The following RBM33 variants were observed in gnomAD, a reference collection of about 807,000 sequenced individuals.
RBM33 encodes the protein RNA binding motif protein 33.
A neutral mutation model predicts 132.6 loss-of-function variants in RBM33; 28 were observed. The observed-to-expected ratio is 0.21, with a 90% confidence interval of 0.16 to 0.29. RBM33 has a LOEUF of 0.29. Ranked by LOEUF, RBM33 falls within the 10% of genes least tolerant of loss-of-function variation. The pLI is 1.00. For missense variants in RBM33, 1,291 were observed against 1,518.5 expected (o/e 0.85, Z 2.49); for synonymous variants, 634 against 593.0 (o/e 1.07, Z -1.01).
At position 155,780,438 on chromosome 7, in the gene RBM33, C is replaced by T. The variant is rs1802777413; in HGVS notation, c.*5397C>T. 1 of 152,242 alleles carries T rather than the reference C, an allele frequency of 6.6e-6. No individual in the cohort carries two copies. The highest frequency in any genetic ancestry group is 2.1e-4 in the South Asian group (1 of 4,832). The allele number at this position is 152,242 out of a possible 1,614,324, so 9.4% of individuals were successfully genotyped here. A position where few individuals can be genotyped will look rare whatever the true frequency, so the allele number is the denominator to read the frequency against. On this transcript the variant is annotated 3_prime_UTR_variant, in exon 18 of 18. Coordinates refer to ENST00000401878, the MANE Select transcript of RBM33 (RefSeq NM_053043.3). ...GCACAGAGTGTGACCTTTTTCATGT[C>T]TGAGCTGATTCTGTTTGCTCCACGT...
At chr7:155,679,874 G>A (rs556334817) in intron 4 of RBM33, among the ~76,000 whole-genome samples, 2 of 152,276 alleles carry the variant, frequency 1.3e-5, no homozygotes, top group East Asian at 3.9e-4. Context: ...GATCTTACAT[G>A]GGAAATGTTA....
At chr7:155,656,347 A>G (rs942888564) in intron 1 of RBM33, among the ~76,000 whole-genome samples, 4 of 146,924 alleles carry the variant, frequency 2.7e-5, no homozygotes, top group African/African-American at 1.0e-4. Context: ...CAATAACAGT[A>G]CAAGACACGC....
At chr7:155,685,775 C>T (rs904210977) in intron 5 of RBM33, among the ~76,000 whole-genome samples, 2 of 152,234 alleles carry the variant, frequency 1.3e-5, no homozygotes, top group African/African-American at 4.8e-5. Context: ...ACAAATCATT[C>T]TTCAGCCTGA....
At chr7:155,713,298 T>G (rs1162350473) in intron 8 of RBM33, among the ~76,000 whole-genome samples, 1 of 151,908 alleles carries the variant, frequency 6.6e-6, no homozygotes, top group Non-Finnish European at 1.5e-5. Context: ...AAAGTACAGG[T>G]CAGGAGGTTG....
chr7:155,657,815 A>G (rs1455404762), intron 1 of RBM33, among the ~76,000 whole-genome samples: 1 of 152,248 alleles, frequency 6.6e-6, no homozygotes, highest in Non-Finnish European at 1.5e-5. Flanking sequence ...TTTCATAGAT[A>G]GGGAATGCTC....
At chr7:155,669,750 GC>G (rs1426256345) in intron 2 of RBM33, among the ~76,000 whole-genome samples, 1 of 152,206 alleles carries the variant, frequency 6.6e-6, no homozygotes, top group Non-Finnish European at 1.5e-5. Context: ...ACCAGTTCCT[GC>G]CCCGGCCTTG....
chr7:155,658,205 A>G (rs1798543814), intron 1 of RBM33, among the ~76,000 whole-genome samples: 1 of 152,292 alleles, frequency 6.6e-6, no homozygotes, highest in Admixed American at 6.5e-5. Flanking sequence ...ATCGGTATAC[A>G]GTATTCCTTC....
chr7:155,645,091 C>T (rs977272053), intron 1 of RBM33, 172 bp downstream of exon 1: 2 of 519,282 alleles, frequency 3.9e-6, no homozygotes, highest in South Asian at 2.5e-5. Flanking sequence ...GTCATTCTCC[C>T]TTTCTCGCTC....
chr7:155,669,485 C>T (rs1012401877), intron 2 of RBM33, among the ~76,000 whole-genome samples: 3 of 152,084 alleles, frequency 2.0e-5, no homozygotes, highest in Non-Finnish European at 2.9e-5. Flanking sequence ...CCCGAGTAGC[C>T]GGGATTACAG....
chr7:155,658,939 T>C (rs1229764382), intron 1 of RBM33, among the ~76,000 whole-genome samples: 3 of 152,192 alleles, frequency 2.0e-5, no homozygotes, highest in African/African-American at 7.2e-5. Context: ...GCTTTGTTCA[T>C]TTTTCCTTTT....
intron 13 of RBM33, 116 bp downstream of exon 13, chr7:155,742,222 C>A: frequency 3.0e-6 from 3 of 996,280 alleles, no homozygotes; most frequent in East Asian, 2.7e-5. Context: ...ACTTTTTTCA[C>A]CTGGGTCTTT....
intron 9 of RBM33, among the ~76,000 whole-genome samples, chr7:155,736,997 T>C (rs1227913136): frequency 6.6e-6 from 1 of 152,234 alleles, no homozygotes. Flanking sequence ...TGTGGTCATG[T>C]CTTGTGTAAG....
Position 155,774,676 on chromosome 7 carries a change from A to G in RBM33, c.3464+29A>G, listed in dbSNP as rs780273466. 3 of 1,582,296 alleles carry G rather than the reference A, an allele frequency of 1.9e-6. No individual in the cohort carries two copies. The highest frequency in any genetic ancestry group is 2.6e-6 in the Non-Finnish European group (3 of 1,151,234). ...ACCAGTGTGTTCTGTGCTTGTGGTG[A>G]TAAGGGGGCGGGAGCAAGGCCCTCC... is the stretch of plus-strand genomic sequence containing the variant. On this transcript the variant is annotated intron_variant, in intron 17 of 17. Coordinates refer to ENST00000401878, the MANE Select transcript of RBM33 (RefSeq NM_053043.3). The surrounding 1 kb of genome is among the most constrained non-coding windows in gnomAD (Gnocchi z 4.2).
Position 155,745,139 on chromosome 7 carries a change from C to G in RBM33, c.2516C>G (p.Pro839Arg). The G allele has an allele frequency of 6.2e-7, 1 of 1,603,412 alleles. No homozygotes were observed. Among genetic ancestry groups the G allele is most frequent in the Non-Finnish European group, 8.5e-7 (1 of 1,174,590 alleles). The change falls in exon 14 of 18, where the codon CCC becomes CGC. Residue 839 changes from proline (P) to arginine (R), a missense_variant. By Grantham distance (103) the Pro-to-Arg change is moderately radical. Coordinates refer to ENST00000401878, the MANE Select transcript of RBM33 (RefSeq NM_053043.3). The surrounding 1 kb of genome is among the most constrained non-coding windows in gnomAD (Gnocchi z 4.1). ...CAGCAGCAGCTGTACGCTCCCCCAC[C>G]CCCAGCAGAGCAGGAAGAGCAGGCA... ...QQQQQLYAPP[P>R]PAEQEEQALS...
Position 155,766,498 on chromosome 7 carries a change from C to T in RBM33, c.3218C>T (p.Ala1073Val), listed in dbSNP as rs764795601. ...ATGCACGGACGAGGCAGAGGAGTGG[C>T]CGGTCCCATGGGCCGGGGGCGCCTG... is the stretch of plus-strand genomic sequence containing the variant. Reference protein sequence around the residue: ...AIMHGRGRGVAGPMGRGRLMP... With the variant: ...AIMHGRGRGVVGPMGRGRLMP... The change falls in exon 16 of 18, where the codon GCC becomes GTC. Residue 1073 changes from alanine (A) to valine (V), a missense_variant. Physicochemically the swap from Ala to Val is moderately conservative, Grantham distance 64. This residue lies in a region of RBM33 where 841 missense variants were observed against 912.0 expected (regional missense o/e 0.92). Coordinates refer to ENST00000401878, the MANE Select transcript of RBM33 (RefSeq NM_053043.3). 9 of 1,613,636 alleles carry T rather than the reference C, an allele frequency of 5.6e-6. No individual in the cohort carries two copies. Among genetic ancestry groups the T allele is most frequent in the Non-Finnish European group, 6.8e-6 (8 of 1,179,832 alleles).
intron 1 of RBM33, among the ~76,000 whole-genome samples, chr7:155,664,231 TTA>T (rs58817262): frequency 0.17 from 21,202 of 121,194 alleles, 3,477 homozygotes; most frequent in African/African-American, 0.44. Context: ...ACATTATGAC[TTA>T]TATATATATA....
intron 5 of RBM33, among the ~76,000 whole-genome samples, chr7:155,686,479 CT>C (rs531347074): frequency 5.7e-4 from 83 of 145,544 alleles, no homozygotes; most frequent in Middle Eastern, 3.4e-3. Context: ...TATTTTTTTT[CT>C]TTTTTTTTTT....
rs372057460 is a variant in RBM33 at position 155,781,306 on chromosome 7, C to T, written c.*6265C>T. The T allele has an allele frequency of 6.6e-6, 1 of 152,242 alleles. No homozygotes were observed. Among genetic ancestry groups the T allele is most frequent in the African/African-American group, 2.4e-5 (1 of 41,452 alleles). 9.4% of individuals were successfully genotyped at this position (152,242 alleles called of 1,614,324 possible). A position where few individuals can be genotyped will look rare whatever the true frequency, so the allele number is the denominator to read the frequency against. ...GCCTGTTCCACCCCTTTGTTCACTT[C>T]GCGTTAACTGCTGTGGTAACTTTTT... On this transcript the variant is annotated 3_prime_UTR_variant, in exon 18 of 18. Coordinates refer to ENST00000401878, the MANE Select transcript of RBM33 (RefSeq NM_053043.3).
chr7:155,762,982 A>C (rs2117066621), intron 14 of RBM33, among the ~76,000 whole-genome samples: 1 of 152,338 alleles, frequency 6.6e-6, no homozygotes, highest in Admixed American at 6.5e-5. Context: ...CAGTACTGAA[A>C]GCAGCTGATA....
Sources: gnomAD v4.1 joint callset for allele counts (sites outside exome capture counted in the v4.1 genomes callset) on GRCh38, gnomAD v4.1.1 for gene constraint, gnomAD v4.1.1 regional missense constraint, Gnocchi (gnomAD v3.1) non-coding constraint, MANE v1.5 for transcripts, NCBI Gene and HGNC (gene_info 2026-07-23, HGNC 2026-07-21) for gene names.